Variants in BDP1 observed in about 807,000 individuals in gnomAD.
The protein encoded by BDP1 is transcription factor TFIIIB component B'' homolog.
A neutral mutation model predicts 266.6 loss-of-function variants in BDP1; 169 were observed. That is an observed-to-expected ratio of 0.63 (90% confidence interval 0.56 to 0.72). The LOEUF is 0.72. Among genes scored for constraint, BDP1 ranks in the 30% least tolerant of loss-of-function variants. The pLI is 0.00. For synonymous variants in BDP1, 1,090 were observed against 1,022.4 expected (o/e 1.07, Z -1.26); for missense variants, 3,015 against 3,053.8 (o/e 0.99, Z 0.30).
At position 71,562,195 on chromosome 5, in the gene BDP1, CAAAAAAAAAAAAAAAAAAA is replaced by C. The variant is rs564127239; in HGVS notation, c.7497-69_7497-51del. On this transcript the variant is annotated intron_variant, in intron 37 of 38. Transcript: ENST00000358731. ...CCTGGGTGAGAGTGAGACTGCGTCT[CAAAAAAAAAAAAAAAAAAA>C]AAAAAAAAAGAATGTGTCTTCCTGG... 4.4e-5 allele frequency: 20 copies of C among 459,462 alleles called. No homozygotes were observed. In the African/African-American group the frequency reaches 8.2e-4, roughly 19 times the overall value. 28.5% of individuals were successfully genotyped at this position (459,462 alleles called of 1,614,324 possible). A position where few individuals can be genotyped will look rare whatever the true frequency, so the allele number is the denominator to read the frequency against.
chr5:71,564,828 C>T lies in BDP1; in HGVS notation c.7818C>T (p.Thr2606=). The T allele has an allele frequency of 6.2e-7, 1 of 1,611,420 alleles. No individual in the cohort carries two copies. The highest frequency in any genetic ancestry group is 8.5e-7 in the Non-Finnish European group (1 of 1,179,604). ...AQKRAPQGEA[T]TVSEYFFNDI... is the part of the protein sequence containing the mutation. ...AGCGGGCCCCTCAAGGGGAGGCAAC[C>T]ACAGTCTCTGAATATTTCTTCAATG... Residue 2606 remains threonine, a synonymous_variant, in exon 39 of 39, where the codon ACC becomes ACT. Transcript: ENST00000358731.
chr5:71,476,020 G>A (rs1386955951), intron 7 of BDP1: 1 of 152,850 alleles, frequency 6.5e-6, no homozygotes, highest in African/African-American at 2.4e-5. Flanking sequence ...TCACCTTAAA[G>A]GCAAAAATAC....
chr5:71,541,174 A>G (rs1766940913), intron 28 of BDP1, among the ~76,000 whole-genome samples: 1 of 152,214 alleles, frequency 6.6e-6, no homozygotes, highest in African/African-American at 2.4e-5. Flanking sequence ...ACTGAAAGTA[A>G]CAAAAGAACT....
chr5:71,503,319 A>G (rs1764376816), intron 15 of BDP1, among the ~76,000 whole-genome samples: 2 of 152,082 alleles, frequency 1.3e-5, no homozygotes, highest in Admixed American at 6.5e-5. Context: ...GTACTGCACA[A>G]TTTGTGTGCA....
Position 71,515,104 on chromosome 5 carries a change from A to G in BDP1, c.4631A>G (p.Asp1544Gly), listed in dbSNP as rs1420772864. Residue 1544 changes from aspartate to glycine, a missense_variant, in exon 20 of 39, where the codon GAC (aspartate) becomes GGC (glycine). Asp to Gly is a moderately conservative substitution (Grantham distance 94). Coordinates refer to ENST00000358731, the MANE Select transcript of BDP1 (RefSeq NM_018429.3). ...CAGTCAGCACCAGTCCAGAAAAATG[A>G]CTCAGTTGTTTCTGTGGGGTAAACA... ...ESQSAPVQKNDSVVSVGTNNV... is the reference protein window; with the variant it reads ...ESQSAPVQKNGSVVSVGTNNV... The G allele has an allele frequency of 6.3e-7, 1 of 1,597,330 alleles. No individual in the cohort carries two copies. Among genetic ancestry groups the G allele is most frequent in the Admixed American group, 1.8e-5 (1 of 55,410 alleles).
In BDP1 at chr5:71,503,064, C is replaced by CA. The variant is rs1190511316; in HGVS notation, c.2241+291dup. Among the ~76,000 whole-genome samples, 527 of 78,250 alleles carry CA rather than the reference C, an allele frequency of 6.7e-3. 3 individuals are homozygous for CA. The highest frequency in any genetic ancestry group is 0.011 in the African/African-American group (275 of 25,660). The allele number at this position is 78,250 out of a possible 152,430, so 51.3% of individuals were successfully genotyped here. The stretch of plus-strand genomic sequence containing the variant: ...TAGGCGACAGAGCAAGACTCTGTCT[C>CA]AAAAAAAAAAAAAAAAAATTCACAT... On this transcript the variant is annotated intron_variant, in intron 15 of 38. Transcript: ENST00000358731.
intron 28 of BDP1, among the ~76,000 whole-genome samples, chr5:71,539,930 TGA>T (rs1766860021): frequency 6.6e-6 from 1 of 152,068 alleles, no homozygotes; most frequent in Non-Finnish European, 1.5e-5. Context: ...GTAAAGGTAG[TGA>T]ATACTACCTT....
chr5:71,512,695 A>G (rs530226174), intron 18 of BDP1, among the ~76,000 whole-genome samples: 1 of 152,176 alleles, frequency 6.6e-6, no homozygotes, highest in Admixed American at 6.5e-5. Flanking sequence ...TCCTAGGCTC[A>G]TACCTGGATT....
chr5:71,547,441 T>C (rs1742415673), intron 32 of BDP1, among the ~76,000 whole-genome samples: 1 of 152,184 alleles, frequency 6.6e-6, no homozygotes, highest in Non-Finnish European at 1.5e-5. Context: ...AGACACATAA[T>C]GTCAGTTTGT....
At position 71,522,886 on chromosome 5, in the gene BDP1, A is replaced by G; in HGVS notation, c.5324A>G (p.Glu1775Gly). The G allele has an allele frequency of 6.2e-7, 1 of 1,612,648 alleles. No homozygotes were observed. The highest frequency in any genetic ancestry group is 8.5e-7 in the Non-Finnish European group (1 of 1,179,456). Residue 1775 changes from glutamate (E) to glycine (G), a missense_variant, in exon 24 of 39, where the codon GAA becomes GGA. Physicochemically the swap from Glu to Gly is moderately conservative, Grantham distance 98. Around this residue, in one of 3 missense-constraint regions of BDP1, gnomAD observed 2,383 missense variants for 2,404.9 expected, o/e 0.99. Coordinates refer to ENST00000358731, the MANE Select transcript of BDP1 (RefSeq NM_018429.3). The stretch of plus-strand genomic sequence containing the variant: ...GGACCATCAAGAAGGGTTGGAGAGG[A>G]AACTGTAGGAGATAATTCACCATCT... ...EVGPSRRVGE[E>G]TVGDNSPSSV...
chr5:71,493,179 ATAATC>A (rs1763690905), intron 11 of BDP1, among the ~76,000 whole-genome samples: 1 of 152,246 alleles, frequency 6.6e-6, no homozygotes, highest in Non-Finnish European at 1.5e-5. Context: ...TAGGTGACAG[ATAATC>A]TAAAGTGTGA....
intron 32 of BDP1, among the ~76,000 whole-genome samples, chr5:71,545,890 C>T (rs1275304287): frequency 6.6e-6 from 1 of 150,604 alleles, no homozygotes; most frequent in South Asian, 2.1e-4. Context: ...GTCCCAGCTA[C>T]TCAGGAGGCT....
At position 71,522,387 on chromosome 5, in the gene BDP1, A is replaced by G; in HGVS notation, c.5090A>G (p.Glu1697Gly). ...PNLGRAHSKK[E>G]EPVLEKVTTD... Reference sequence around the variant, plus strand: ...TTGGGAAGAGCACACAGTAAGAAAGAGGAACCAGTTTTAGAAAAAGTCACA... The same window carrying G: ...TTGGGAAGAGCACACAGTAAGAAAGGGGAACCAGTTTTAGAAAAAGTCACA... Residue 1697 changes from glutamate to glycine, a missense_variant, in exon 23 of 39, where the codon GAG becomes GGG. Coordinates refer to ENST00000358731, the MANE Select transcript of BDP1 (RefSeq NM_018429.3). 5 of 1,614,004 alleles carry G rather than the reference A, an allele frequency of 3.1e-6. No individual in the cohort carries two copies. Among genetic ancestry groups the G allele is most frequent in the Non-Finnish European group, 4.2e-6 (5 of 1,179,962 alleles).
intron 6 of BDP1, among the ~76,000 whole-genome samples, chr5:71,469,479 T>A (rs1401117337): frequency 1.3e-5 from 2 of 152,180 alleles, no homozygotes; most frequent in Non-Finnish European, 2.9e-5. Flanking sequence ...ATATACTACT[T>A]AGCACATCTT....
chr5:71,562,970 T>C, intron 38 of BDP1: 1 of 1,115,902 alleles, frequency 9.0e-7, no homozygotes, highest in Non-Finnish European at 1.1e-6. Context: ...CTTAAGATCT[T>C]GACAAAGAGA....
intron 7 of BDP1, among the ~76,000 whole-genome samples, chr5:71,480,266 A>G (rs1374434374): frequency 7.0e-6 from 1 of 141,890 alleles, no homozygotes; most frequent in Non-Finnish European, 1.5e-5. Flanking sequence ...GCGCACCACC[A>G]TGCCCAGCTA....
chr5:71,535,246 G>C (rs1400603228), intron 26 of BDP1, among the ~76,000 whole-genome samples: 1 of 151,048 alleles, frequency 6.6e-6, no homozygotes, highest in East Asian at 2.0e-4. Context: ...CTGTTGCCCA[G>C]GCTGGAGTGC....
chr5:71,495,257 C>A lies in BDP1; in HGVS notation c.1648C>A (p.Gln550Lys). 6.5e-7 allele frequency: 1 copy of A among 1,547,960 alleles called. No homozygotes were observed. The highest frequency in any genetic ancestry group is 1.3e-5 in the South Asian group (1 of 74,952). The change falls in exon 12 of 39, where the codon CAA becomes AAA. Residue 550 changes from glutamine (Q) to lysine (K), a missense_variant. Around this residue, in one of 3 missense-constraint regions of BDP1, gnomAD observed 2,383 missense variants for 2,404.9 expected, o/e 0.99. Transcript: ENST00000358731. ...ATATTTTCTTTTTTTTAGTAATCAA[C>A]AAGATGCCACATCAGTAGCAACTGA... is the stretch of plus-strand genomic sequence containing the variant. ...TDPILSLSNQ[Q>K]DATSVATESS...
In BDP1 at chr5:71,495,321, A is replaced by T. The variant is rs1446922574; in HGVS notation, c.1712A>T (p.Glu571Val). 1 of 1,607,900 alleles carries T rather than the reference A, an allele frequency of 6.2e-7. No homozygotes were observed. Among genetic ancestry groups the T allele is most frequent in the Non-Finnish European group, 8.5e-7 (1 of 1,176,582 alleles). The stretch of plus-strand genomic sequence containing the variant: ...AGCACTTCAGATTTGCCTTCATTCG[A>T]AGTTGGAATTAGAGCATTGTGTGAG... ...ESSTSDLPSF[E>V]VGIRALCEVN... Residue 571 changes from glutamate to valine, a missense_variant, in exon 12 of 39, where the codon GAA (glutamate) becomes GTA (valine). Coordinates refer to ENST00000358731, the MANE Select transcript of BDP1 (RefSeq NM_018429.3).
Sources: gnomAD v4.1 joint callset for allele counts (sites outside exome capture counted in the v4.1 genomes callset) on GRCh38, gnomAD v4.1.1 for gene constraint, gnomAD v4.1.1 regional missense constraint, MANE v1.5 for transcripts, NCBI Gene and HGNC (gene_info 2026-07-23, HGNC 2026-07-21) for gene names.